Variants in BMP3 observed in about 807,000 individuals in gnomAD.
BMP3 encodes bone morphogenetic protein 3 (osteogenic).
A neutral mutation model predicts 38.1 loss-of-function variants in BMP3; 23 were observed. That is an observed-to-expected ratio of 0.60 (90% CI 0.43 to 0.86). BMP3 has a LOEUF of 0.86. Ranked by LOEUF, BMP3 falls within the 40% of genes least tolerant of loss-of-function variation. BMP3 has a pLI of 0.00. For synonymous variants in BMP3, 258 were observed against 225.7 expected (o/e 1.14, Z -1.28); for missense variants, 628 against 579.6 (o/e 1.08, Z -0.86).
chr4:81,046,001 A>G lies in BMP3; in HGVS notation c.580A>G (p.Ile194Val). 1.2e-6 allele frequency: 2 copies of G among 1,614,162 alleles called. No homozygotes were observed. The highest frequency in any genetic ancestry group is 1.7e-6 in the Non-Finnish European group (2 of 1,180,022). ...GGATATGGCCAAATCTCATCGAGAT[A>G]TTATGTCCTGGCTGTCTAAAGATAT... ...SVDMAKSHRD[I>V]MSWLSKDITQ... The change falls in exon 2 of 3, where the codon ATT (isoleucine) becomes GTT (valine). Residue 194 changes from isoleucine (I) to valine (V), a missense_variant. Ile to Val is a conservative substitution (Grantham distance 29). Transcript: ENST00000282701.
rs1330463205 is a variant in BMP3, at chr4:81,045,755, G to C, written c.334G>C (p.Gly112Arg). The part of the protein sequence containing the change: ...AAAAETLERK[G>R]LYIFNLTSLT... ...CTTCCTAGAAACTCTTGAAAGAAAA[G>C]GACTGTATATCTTCAATCTGACATC... The change falls in exon 2 of 3, where the codon GGA becomes CGA. Residue 112 changes from glycine (G) to arginine (R), a missense_variant. By Grantham distance (125) the Gly-to-Arg change is moderately radical (BLOSUM62 -2). Transcript: ENST00000282701. The C allele has an allele frequency of 6.2e-7, 1 of 1,601,372 alleles. No individual in the cohort carries two copies. Among genetic ancestry groups the C allele is most frequent in the South Asian group, 1.1e-5 (1 of 88,318 alleles).
intron 1 of BMP3, 124 bp from the exon 2 acceptor site, chr4:81,045,614 T>C: frequency 2.5e-6 from 2 of 807,826 alleles, no homozygotes; most frequent in East Asian, 2.9e-5. Flanking sequence ...CCTAGGTTTC[T>C]TTCCAAAAAT....
intron 2 of BMP3, 79 bp downstream of exon 2, chr4:81,046,727 T>C (rs1740261660): frequency 6.8e-7 from 1 of 1,475,464 alleles, no homozygotes; most frequent in Non-Finnish European, 9.1e-7. Context: ...AGTGTGCATA[T>C]AGGGGGTTTG....
chr4:81,035,877 A>G (rs1392397920), intron 1 of BMP3, among the ~76,000 whole-genome samples: 1 of 151,986 alleles, frequency 6.6e-6, no homozygotes, highest in African/African-American at 2.4e-5. Context: ...CTCCTGGAGA[A>G]AGCATTTTAC....
At chr4:81,040,874 A>G (rs543206413) in intron 1 of BMP3, among the ~76,000 whole-genome samples, 1 of 152,226 alleles carries the variant, frequency 6.6e-6, no homozygotes, top group East Asian at 1.9e-4. Context: ...CCTTTTTTTT[A>G]TCATTATTAT....
Position 81,031,704 on chromosome 4 carries a change from G to A in BMP3, c.316+104G>A. ...GCCCCTTGCTTGGTGGCGCTGCCTA[G>A]GGACCTTTCTCCGCCCTCCTCAGCT... On this transcript the variant is annotated intron_variant, in intron 1 of 2. Coordinates refer to ENST00000282701, the MANE Select transcript of BMP3 (RefSeq NM_001201.5). The A allele has an allele frequency of 2.9e-6, 4 of 1,358,114 alleles. No homozygotes were observed. In the African/African-American group the frequency reaches 4.4e-5, roughly 15 times the overall value. 84.1% of individuals were successfully genotyped at this position (1,358,114 alleles called of 1,614,324 possible). A position where few individuals can be genotyped will look rare whatever the true frequency, so the allele number is the denominator to read the frequency against.
chr4:81,046,001 A>T lies in BMP3; in HGVS notation c.580A>T (p.Ile194Phe). 1 of 1,614,162 alleles carries T rather than the reference A, an allele frequency of 6.2e-7. No homozygotes were observed. Among genetic ancestry groups the T allele is most frequent in the Non-Finnish European group, 8.5e-7 (1 of 1,180,022 alleles). Residue 194 changes from isoleucine to phenylalanine, a missense_variant, in exon 2 of 3, where the codon ATT becomes TTT. Coordinates refer to ENST00000282701, the MANE Select transcript of BMP3 (RefSeq NM_001201.5). ...SVDMAKSHRD[I>F]MSWLSKDITQ... Reference sequence around the variant, plus strand: ...GGATATGGCCAAATCTCATCGAGATATTATGTCCTGGCTGTCTAAAGATAT... The same window carrying T: ...GGATATGGCCAAATCTCATCGAGATTTTATGTCCTGGCTGTCTAAAGATAT...
intron 2 of BMP3, among the ~76,000 whole-genome samples, chr4:81,052,395 G>C (rs1740419938): frequency 6.6e-6 from 1 of 152,158 alleles, no homozygotes; most frequent in South Asian, 2.1e-4. Context: ...TTGCAAAAAT[G>C]ACTGTTCCTT....
At position 81,055,205 on chromosome 4, in the gene BMP3, C is replaced by T. The variant is rs754678513; in HGVS notation, c.*1669C>T. ...CACTGTAAGTCCCTCTTTTAATAAA[C>T]TAAATGAAAGAACATCCTATACTTC... On this transcript the variant is annotated 3_prime_UTR_variant, in exon 3 of 3. Coordinates refer to ENST00000282701, the MANE Select transcript of BMP3 (RefSeq NM_001201.5). 6 of 152,174 alleles carry T rather than the reference C, an allele frequency of 3.9e-5. No individual in the cohort carries two copies. The highest frequency in any genetic ancestry group is 8.8e-5 in the Non-Finnish European group (6 of 68,030). The allele number at this position is 152,174 out of a possible 1,614,324, so 9.4% of individuals were successfully genotyped here.
rs1209319428 is a variant in BMP3 at position 81,032,208 on chromosome 4, A to AAAAAC, written c.316+612_316+613insCAAAA. 3.2e-4 allele frequency among the ~76,000 whole-genome samples: 48 copies of AAAAAC among 150,522 alleles called. 3 individuals carry two copies. In the East Asian group the frequency reaches 6.1e-3, roughly 19 times the overall value. ...TTCCTTAGTGGCAAAAAAAAAAAAA[A>AAAAAC]AAAAAAAAAAAACAGGTGCTTGGGT... On this transcript the variant is annotated intron_variant, in intron 1 of 2. Coordinates refer to ENST00000282701, the MANE Select transcript of BMP3 (RefSeq NM_001201.5).
At chr4:81,042,777 T>C (rs1028163346) in intron 1 of BMP3, among the ~76,000 whole-genome samples, 1 of 152,236 alleles carries the variant, frequency 6.6e-6, no homozygotes, top group Non-Finnish European at 1.5e-5. Context: ...TTGGCAACCA[T>C]TGGATTGCCA....
At chr4:81,046,958 G>A (rs1441121221) in intron 2 of BMP3, among the ~76,000 whole-genome samples, 1 of 152,200 alleles carries the variant, frequency 6.6e-6, no homozygotes, top group Non-Finnish European at 1.5e-5. Flanking sequence ...ACATGGTTGT[G>A]TGTGAACCTG....
rs954023090 is a variant in BMP3, at chr4:81,057,363, C to G, written c.*3827C>G. 6.6e-6 allele frequency: 1 copy of G among 152,010 alleles called. No individual in the cohort carries two copies. The highest frequency in any genetic ancestry group is 2.1e-4 in the South Asian group (1 of 4,830). 9.4% of individuals were successfully genotyped at this position (152,010 alleles called of 1,614,324 possible). A position where few individuals can be genotyped will look rare whatever the true frequency, so the allele number is the denominator to read the frequency against. ...TCCTTTTTACTACAGTTTTTAGATG[C>G]AAAATGCAGTTTGGTTCTTTAGTCA... On this transcript the variant is annotated 3_prime_UTR_variant, in exon 3 of 3. Coordinates refer to ENST00000282701, the MANE Select transcript of BMP3 (RefSeq NM_001201.5).
chr4:81,050,234 G>A (rs1426282043), intron 2 of BMP3, among the ~76,000 whole-genome samples: 1 of 152,128 alleles, frequency 6.6e-6, no homozygotes, highest in Non-Finnish European at 1.5e-5. Flanking sequence ...TTCAACTCGA[G>A]GACATCATAC....
At chr4:81,039,258 G>C (rs1740003087) in intron 1 of BMP3, among the ~76,000 whole-genome samples, 1 of 152,226 alleles carries the variant, frequency 6.6e-6, no homozygotes, top group South Asian at 2.1e-4. Flanking sequence ...AGTTGGGGCA[G>C]CGGGAGGTGG....
rs530391692 is a variant in BMP3, at chr4:81,057,150, T to A, written c.*3614T>A. ...GTTTTCTAAAAGCCAGTCCTTCCCT[T>A]CAGCTTTCCACAGTTTCTGTAAATG... On this transcript the variant is annotated 3_prime_UTR_variant, in exon 3 of 3. Coordinates refer to ENST00000282701, the MANE Select transcript of BMP3 (RefSeq NM_001201.5). The A allele has an allele frequency of 2.8e-4, 43 of 152,130 alleles. No individual in the cohort carries two copies. Among genetic ancestry groups the A allele is most frequent in the Admixed American group, 1.4e-3 (22 of 15,272 alleles). The allele number at this position is 152,130 out of a possible 1,614,324, so 9.4% of individuals were successfully genotyped here.
intron 1 of BMP3, among the ~76,000 whole-genome samples, chr4:81,032,210 A>ACAAC (rs1739796012): frequency 6.6e-6 from 1 of 150,700 alleles, no homozygotes; most frequent in Non-Finnish European, 1.5e-5. Flanking sequence ...AAAAAAAAAA[A>ACAAC]AAAAAAAAAA....
intron 1 of BMP3, among the ~76,000 whole-genome samples, chr4:81,033,468 T>G (rs754910035): frequency 6.6e-5 from 10 of 152,176 alleles, no homozygotes; most frequent in Non-Finnish European, 1.2e-4. Context: ...CTTGAAACGA[T>G]GAGTTGCAGC....
intron 2 of BMP3, among the ~76,000 whole-genome samples, chr4:81,047,455 C>G (rs543178786): frequency 6.6e-6 from 1 of 151,794 alleles, no homozygotes; most frequent in East Asian, 1.9e-4. Context: ...GTAGTACCCT[C>G]TATAGTAAAA....
Sources: allele counts gnomAD v4.1 joint callset (sites outside exome capture counted in the v4.1 genomes callset), GRCh38; gene constraint gnomAD v4.1.1; transcripts MANE v1.5; gene names NCBI Gene and HGNC (gene_info 2026-07-23, HGNC 2026-07-21).